HSD17B2: variants seen among roughly 807,000 people sequenced by gnomAD.
The protein encoded by HSD17B2 is hydroxysteroid 17-beta dehydrogenase 2, also known as 17-beta-hydroxysteroid dehydrogenase type 2.
In HSD17B2, 32 loss-of-function variants were observed where a neutral mutation model predicts 26.9. That is an observed-to-expected ratio of 1.19 (90% CI 0.90 to 1.60). The LOEUF (loss-of-function observed/expected upper bound fraction) is 1.60, where lower values mean the gene tolerates loss of function less well. Among genes scored for constraint, HSD17B2 ranks in the 40% most tolerant of loss-of-function variants. HSD17B2 has a pLI of 0.00. For missense variants in HSD17B2, 613 were observed against 468.6 expected (o/e 1.31, Z -2.85); for synonymous variants, 246 against 186.7 (o/e 1.32, Z -2.59).
At chr16:82,094,947 AT>A (rs1904796659) in intron 4 of HSD17B2, 2 of 152,242 alleles carry the variant, frequency 1.3e-5, no homozygotes, top group South Asian at 4.1e-4. Flanking sequence ...CAGAGATGGG[AT>A]TTTGATACAG....
chr16:82,085,548 G>C (rs942241919), intron 3 of HSD17B2, among the ~76,000 whole-genome samples: 1 of 151,910 alleles, frequency 6.6e-6, no homozygotes, highest in Non-Finnish European at 1.5e-5. Flanking sequence ...AGGCTGTTAA[G>C]CAAGAACATG....
At chr16:82,096,074 T>C (rs2142370361) in intron 4 of HSD17B2, 1 of 152,306 alleles carries the variant, frequency 6.6e-6, no homozygotes, top group South Asian at 2.1e-4. Flanking sequence ...GTATTGTCTT[T>C]ATTTTAAAAA....
Position 82,071,535 on chromosome 16 carries a change from T to A in HSD17B2, c.664+408T>A, listed in dbSNP as rs562505228. The A allele has an allele frequency of 4.1e-4, 127 of 307,646 alleles. 2 individuals carry two copies. The highest frequency in any genetic ancestry group is 2.6e-3 in the South Asian group (84 of 32,894). 19.1% of individuals were successfully genotyped at this position (307,646 alleles called of 1,614,324 possible). A position where few individuals can be genotyped will look rare whatever the true frequency, so the allele number is the denominator to read the frequency against. On this transcript the variant is annotated intron_variant, in intron 3 of 4. Coordinates refer to ENST00000199936, the MANE Select transcript of HSD17B2 (RefSeq NM_002153.3). The stretch of plus-strand genomic sequence containing the variant: ...TAAGCTGAGTAGGCAATACCTTCCC[T>A]CTGTTTGTGCCATCAAACAAAAGCT...
chr16:82,046,192 A>G (rs939049029), intron 1 of HSD17B2, among the ~76,000 whole-genome samples: 2 of 152,210 alleles, frequency 1.3e-5, no homozygotes, highest in Non-Finnish European at 2.9e-5. Flanking sequence ...GAGCAAAAAC[A>G]GAATAAGGCC....
At position 82,039,231 on chromosome 16, in the gene HSD17B2, C is replaced by G. The variant is rs534345488; in HGVS notation, c.265+3542C>G. Among the ~76,000 whole-genome samples the G allele has an allele frequency of 2.7e-5, 4 of 148,470 alleles. No individual in the cohort carries two copies. The East Asian group carries it at 7.8e-4, about 29-fold the overall frequency. ...GGATTTTGGGACTCTGTTTTCTCCT[C>G]TGTAAATGGAAAATAATACACACAC... is the stretch of plus-strand genomic sequence containing the variant. On this transcript the variant is annotated intron_variant, in intron 1 of 4. Transcript: ENST00000199936.
At chr16:82,045,121 C>CAAAAAAAAAAAAAAAAAAAA (rs10565056) in intron 1 of HSD17B2, among the ~76,000 whole-genome samples, 1 of 42,796 alleles carries the variant, frequency 2.3e-5, no homozygotes, top group African/African-American at 5.9e-5. Context: ...AAACTCTGTC[C>CAAAAAAAAAAAAAAAAAAAA]AAAAAAAAAA....
chr16:82,076,201 C>G (rs777648601), intron 3 of HSD17B2, among the ~76,000 whole-genome samples: 28 of 151,902 alleles, frequency 1.8e-4, no homozygotes, highest in Non-Finnish European at 1.5e-5. Flanking sequence ...TAAAAACCCT[C>G]AATTAAAAAA....
At chr16:82,049,986 A>C (rs2032872310) in intron 1 of HSD17B2, among the ~76,000 whole-genome samples, 1 of 152,124 alleles carries the variant, frequency 6.6e-6, no homozygotes, top group South Asian at 2.1e-4. Flanking sequence ...TTGGGCACCC[A>C]CTCCCAGAGC....
chr16:82,088,571 G>C (rs1191271009), intron 3 of HSD17B2, among the ~76,000 whole-genome samples: 2 of 152,182 alleles, frequency 1.3e-5, no homozygotes, highest in Admixed American at 1.3e-4. Context: ...AAAGGTCATG[G>C]AGAAGTGAGA....
intron 1 of HSD17B2, among the ~76,000 whole-genome samples, chr16:82,060,477 T>C (rs776715523): frequency 6.6e-6 from 1 of 152,196 alleles, no homozygotes; most frequent in Non-Finnish European, 1.5e-5. Context: ...GGGTCCCTTG[T>C]GGGAATGCCG....
intron 1 of HSD17B2, among the ~76,000 whole-genome samples, chr16:82,054,599 C>A (rs1914210002): frequency 6.6e-6 from 1 of 152,216 alleles, no homozygotes; most frequent in Non-Finnish European, 1.5e-5. Flanking sequence ...CCTGCCCCAG[C>A]CTCCCAAAGT....
At chr16:82,041,092 C>T (rs1227345723) in intron 1 of HSD17B2, among the ~76,000 whole-genome samples, 2 of 152,178 alleles carry the variant, frequency 1.3e-5, no homozygotes, top group African/African-American at 4.8e-5. Flanking sequence ...TTGTATCAGG[C>T]ATTATAGATG....
At chr16:82,038,842 G>A (rs544663006) in intron 1 of HSD17B2, among the ~76,000 whole-genome samples, 1 of 152,312 alleles carries the variant, frequency 6.6e-6, no homozygotes, top group South Asian at 2.1e-4. Context: ...TGATCACCCT[G>A]GGCGGACGTG....
chr16:82,053,695 C>T (rs1240241524), intron 1 of HSD17B2, among the ~76,000 whole-genome samples: 2 of 152,096 alleles, frequency 1.3e-5, no homozygotes, highest in African/African-American at 2.4e-5. Context: ...TTGGTTGTGG[C>T]TGACCTCTAA....
rs745635973 is a variant in HSD17B2, at chr16:82,098,410, C to T, written c.1138C>T (p.Pro380Ser). The T allele has an allele frequency of 5.0e-6, 8 of 1,606,504 alleles. No individual in the cohort carries two copies. The highest frequency in any genetic ancestry group is 4.5e-5 in the East Asian group (2 of 44,776). ...GCCCATGCCCAGAGCTCTAAGAATG[C>T]CTAACTACAAGAAAAAGGCCACCTA... ...DKPMPRALRMPNYKKKAT is the reference protein window; with the variant it reads ...DKPMPRALRMSNYKKKAT Residue 380 changes from proline to serine, a missense_variant, in exon 5 of 5, where the codon CCT (proline) becomes TCT (serine). Physicochemically the swap from Pro to Ser is moderately conservative, Grantham distance 74. Coordinates refer to ENST00000199936, the MANE Select transcript of HSD17B2 (RefSeq NM_002153.3).
chr16:82,085,948 A>G (rs1904515817), intron 3 of HSD17B2, among the ~76,000 whole-genome samples: 1 of 135,818 alleles, frequency 7.4e-6, no homozygotes, highest in South Asian at 2.4e-4. Context: ...TAAGATGGCT[A>G]TAATAAAAAA....
chr16:82,068,612 T>C (rs149326796), intron 2 of HSD17B2, among the ~76,000 whole-genome samples: 161 of 152,184 alleles, frequency 1.1e-3, no homozygotes, highest in African/African-American at 3.8e-3. Flanking sequence ...AGTCTCATTC[T>C]CTCCAACTTC....
intron 3 of HSD17B2, among the ~76,000 whole-genome samples, chr16:82,085,630 C>A (rs185348244): frequency 5.2e-4 from 79 of 151,816 alleles, no homozygotes; most frequent in African/African-American, 1.8e-3. Flanking sequence ...GAAGTGTTGG[C>A]AATTTAGGGC....
At chr16:82,055,963 A>G (rs1426814550) in intron 1 of HSD17B2, among the ~76,000 whole-genome samples, 2 of 152,204 alleles carry the variant, frequency 1.3e-5, no homozygotes, top group African/African-American at 4.8e-5. Flanking sequence ...CCCAGGTACC[A>G]AGGGTTTGTC....
Sources: gnomAD v4.1 joint callset for allele counts (sites outside exome capture counted in the v4.1 genomes callset) on GRCh38, gnomAD v4.1.1 for gene constraint, MANE v1.5 for transcripts, NCBI Gene and HGNC (gene_info 2026-07-23, HGNC 2026-07-21) for gene names.